Variants in USP18 observed in about 807,000 individuals in gnomAD.
USP18 encodes ubiquitin specific peptidase 18, also known as ubl carboxyl-terminal hydrolase 18.
A neutral mutation model predicts 48.7 loss-of-function variants in USP18; 11 were observed. The ratio of observed to expected loss-of-function variants is 0.23; its 90% confidence interval spans 0.14 to 0.37. The LOEUF (loss-of-function observed/expected upper bound fraction) is 0.37. Ranked by LOEUF, USP18 falls within the 10% of genes least tolerant of loss-of-function variation. The pLI, the probability that USP18 is intolerant of heterozygous loss-of-function variation, is 1.00. For synonymous variants in USP18, 114 were observed against 163.2 expected, an observed-to-expected ratio of 0.70 and a Z score of 2.30; for missense variants, 285 against 436.4, an observed-to-expected ratio of 0.65 and a Z score of 3.09.
At chr22:18,174,587 T>G (rs1929731494) in intron 10 of USP18, among the ~76,000 whole-genome samples, 1 of 152,118 alleles carries the variant, frequency 6.6e-6, no homozygotes, top group African/African-American at 2.4e-5. Context: ...GATCTTTTTT[T>G]TAATTTAATT....
intron 1 of USP18, among the ~76,000 whole-genome samples, chr22:18,157,277 C>T (rs972567600): frequency 6.6e-6 from 1 of 152,286 alleles, no homozygotes; most frequent in Non-Finnish European, 1.5e-5. Context: ...TGGGCCTGGT[C>T]CTGGGTTGTA....
At chr22:18,175,099 G>C (rs898326195) in intron 10 of USP18, among the ~76,000 whole-genome samples, 6 of 152,160 alleles carry the variant, frequency 3.9e-5, no homozygotes, top group Admixed American at 6.5e-5. Context: ...ATTTTTAGTA[G>C]AGATGGGGTT....
intron 1 of USP18, among the ~76,000 whole-genome samples, chr22:18,153,549 C>G (rs970864512): frequency 6.6e-6 from 1 of 152,190 alleles, no homozygotes; most frequent in Non-Finnish European, 1.5e-5. Flanking sequence ...CTCAGTCTCC[C>G]AAGTAGCTGG....
intron 4 of USP18, among the ~76,000 whole-genome samples, chr22:18,164,439 G>A (rs1452178131): frequency 2.0e-5 from 3 of 152,080 alleles, no homozygotes; most frequent in Non-Finnish European, 4.4e-5. Flanking sequence ...TCATTTGAGA[G>A]GGGTAAATGT....
At chr22:18,155,881 C>T (rs943900102) in intron 1 of USP18, among the ~76,000 whole-genome samples, 7 of 152,350 alleles carry the variant, frequency 4.6e-5, no homozygotes, top group East Asian at 1.9e-4. Context: ...GGGCGCACGG[C>T]GCGGGACTGG....
Position 18,163,756 on chromosome 22 carries a change from G to A in USP18, c.400+1821G>A, listed in dbSNP as rs117573762. ...TACCAATTAGCCCTGCCGGACACTC[G>A]GAGCACCTGTTGACCCTTTGTGTTG... On this transcript the variant is annotated intron_variant, in intron 4 of 10. Transcript: ENST00000215794. Among the ~76,000 whole-genome samples the A allele has an allele frequency of 8.6e-3, 1,316 of 152,272 alleles. 5 individuals are homozygous for A. Among genetic ancestry groups the A allele is most frequent in the Middle Eastern group, 0.014 (4 of 290 alleles).
chr22:18,158,741 C>A (rs1364950523), intron 2 of USP18, among the ~76,000 whole-genome samples: 1 of 152,176 alleles, frequency 6.6e-6, no homozygotes, highest in Non-Finnish European at 1.5e-5. Flanking sequence ...TGAATCTTCC[C>A]CAAAGTAACC....
chr22:18,151,167 A>G (rs1928991210), intron 1 of USP18, among the ~76,000 whole-genome samples: 1 of 152,174 alleles, frequency 6.6e-6, no homozygotes, highest in African/African-American at 2.4e-5. Flanking sequence ...ATGTTGTCAA[A>G]CTCTGCAAAT....
Position 18,169,854 on chromosome 22 carries a change from T to C in USP18, c.638T>C (p.Leu213Pro). The C allele has an allele frequency of 6.3e-7, 1 of 1,596,994 alleles. No homozygotes were observed. Among genetic ancestry groups the C allele is most frequent in the Non-Finnish European group, 8.5e-7 (1 of 1,170,762 alleles). Residue 213 changes from leucine to proline, a missense_variant, in exon 7 of 11, where the codon CTG (leucine) becomes CCG (proline). Leu to Pro is a moderately conservative substitution (Grantham distance 98). Around this residue, in one of 5 missense-constraint regions of USP18, gnomAD observed 34 missense variants for 94.8 expected, o/e 0.36. Transcript: ENST00000215794. ...SKPLKTLEDALHCFFQPRELS... is the reference protein window; with the variant it reads ...SKPLKTLEDAPHCFFQPRELS... ...TCTTGGGTGGGACAGGAGGACGCCC[T>C]GCACTGCTTCTTCCAGCCCAGGGAG...
Position 18,169,893 on chromosome 22 carries a change from G to C in USP18, c.677G>C (p.Ser226Thr), listed in dbSNP as rs139628800. The C allele has an allele frequency of 5.0e-6, 8 of 1,608,934 alleles. No individual in the cohort carries two copies. The African/African-American group carries it at 8.0e-5, about 16-fold the overall frequency. Residue 226 changes from serine (S) to threonine (T), a missense_variant, in exon 7 of 11, where the codon AGC becomes ACC. Physicochemically the swap from Ser to Thr is moderately conservative, Grantham distance 58 (BLOSUM62 1). Around this residue, in one of 5 missense-constraint regions of USP18, gnomAD observed 34 missense variants for 94.8 expected, o/e 0.36. Transcript: ENST00000215794. Reference sequence around the variant, plus strand: ...CAGCCCAGGGAGTTATCAAGCAAAAGCAAGTGCTTCTGTGAGAACTGTGGG... The same window carrying C: ...CAGCCCAGGGAGTTATCAAGCAAAACCAAGTGCTTCTGTGAGAACTGTGGG... Reference protein sequence around the residue: ...FFQPRELSSKSKCFCENCGKK... With the variant: ...FFQPRELSSKTKCFCENCGKK...
At chr22:18,169,776 A>G in intron 6 of USP18, 68 bp from the exon 7 acceptor site, 1 of 1,532,698 alleles carries the variant, frequency 6.5e-7, no homozygotes, top group Non-Finnish European at 8.8e-7. Flanking sequence ...GTGTGAGAAC[A>G]GATGAATATA....
intron 2 of USP18, among the ~76,000 whole-genome samples, 166 bp downstream of exon 2, chr22:18,157,986 T>C (rs1228709159): frequency 6.6e-6 from 1 of 152,126 alleles, no homozygotes; most frequent in East Asian, 1.9e-4. Context: ...AGTGAAACCC[T>C]ATCTGTAAAA....
rs1255937765 is a variant in USP18, at chr22:18,176,303, CA to C, written c.1074-464del. Among the ~76,000 whole-genome samples, 2 of 50,454 alleles carry C rather than the reference CA, an allele frequency of 4.0e-5. 1 individual carries two copies. Among genetic ancestry groups the C allele is most frequent in the African/African-American group, 2.1e-4 (2 of 9,376 alleles). 33.1% of individuals were successfully genotyped at this position (50,454 alleles called of 152,430 possible). On this transcript the variant is annotated intron_variant, in intron 10 of 10. Transcript: ENST00000215794. ...TTAAAAAAAAAAAAAAAAAAACCAGCAAAAACCAAACAAAACATAATGCATG... is the reference window on the plus strand; with the variant it reads ...TTAAAAAAAAAAAAAAAAAAACCAGCAAAACCAAACAAAACATAATGCATG...
intron 4 of USP18, among the ~76,000 whole-genome samples, chr22:18,166,854 C>G (rs1343736710): frequency 1.3e-5 from 2 of 150,950 alleles, no homozygotes; most frequent in East Asian, 3.9e-4. Context: ...CCTCCTGCTT[C>G]AGCCTCCCAA....
chr22:18,150,523 C>G (rs1050649577), intron 1 of USP18, among the ~76,000 whole-genome samples: 3 of 152,200 alleles, frequency 2.0e-5, no homozygotes, highest in Non-Finnish European at 4.4e-5. Context: ...GTCTTCCACT[C>G]AGTATCATTT....
intron 3 of USP18, among the ~76,000 whole-genome samples, chr22:18,160,557 T>C (rs2543954): frequency 0.27 from 40,782 of 151,914 alleles, 6,745 homozygotes; most frequent in East Asian, 0.63. Flanking sequence ...CCACCTCAGC[T>C]TCCCAAAGTG....
intron 4 of USP18, among the ~76,000 whole-genome samples, chr22:18,164,912 C>T (rs1021314015): frequency 3.9e-5 from 6 of 152,070 alleles, no homozygotes; most frequent in Non-Finnish European, 8.8e-5. Flanking sequence ...ATTCCTTCCT[C>T]ACAGTAAGGT....
intron 10 of USP18, among the ~76,000 whole-genome samples, chr22:18,174,397 GT>G (rs562243292): frequency 2.8e-4 from 42 of 150,882 alleles, no homozygotes; most frequent in South Asian, 6.3e-4. Flanking sequence ...CCAGCTGATT[GT>G]TTTTTGTATT....
intron 3 of USP18, among the ~76,000 whole-genome samples, chr22:18,160,915 G>A (rs1407647554): frequency 6.6e-6 from 1 of 151,542 alleles, no homozygotes; most frequent in Non-Finnish European, 1.5e-5. Context: ...GATTACAGGC[G>A]CCCGCCACCA....
Sources: allele counts gnomAD v4.1 joint callset (sites outside exome capture counted in the v4.1 genomes callset), GRCh38; gene constraint gnomAD v4.1.1; regional missense constraint gnomAD v4.1.1; transcripts MANE v1.5; gene names NCBI Gene and HGNC (gene_info 2026-07-23, HGNC 2026-07-21).